Variants in PRKCB observed in about 807,000 individuals in gnomAD.
PRKCB encodes protein kinase C beta.
A neutral mutation model predicts 81.5 loss-of-function variants in PRKCB; 13 were observed. That is an observed-to-expected ratio of 0.16 (90% CI 0.10 to 0.25). The LOEUF (loss-of-function observed/expected upper bound fraction) is 0.25, where lower values mean the gene tolerates loss of function less well. PRKCB is among the 10% of genes least tolerant of loss of function. PRKCB has a pLI of 1.00. For missense variants in PRKCB, 509 were observed against 875.7 expected (o/e 0.58, Z 5.29); for synonymous variants, 335 against 321.4 (o/e 1.04, Z -0.45).
chr16:24,165,489 C>T (rs925688362), intron 10 of PRKCB, among the ~76,000 whole-genome samples: 5 of 152,182 alleles, frequency 3.3e-5, no homozygotes, highest in Non-Finnish European at 5.9e-5. Context: ...AATAAGCGCT[C>T]GATGAAAGTT....
chr16:24,056,589 C>T (rs1965905006), intron 5 of PRKCB, among the ~76,000 whole-genome samples: 1 of 152,154 alleles, frequency 6.6e-6, no homozygotes, highest in Non-Finnish European at 1.5e-5. Context: ...GCAGACACCT[C>T]ATGCCTGGCT....
intron 2 of PRKCB, among the ~76,000 whole-genome samples, chr16:23,875,438 A>G (rs1486984227): frequency 6.7e-6 from 1 of 150,192 alleles, no homozygotes; most frequent in Non-Finnish European, 1.5e-5. Context: ...GTGTCCAAGG[A>G]TTGAATTTCC....
intron 3 of PRKCB, among the ~76,000 whole-genome samples, chr16:23,996,012 G>A (rs2141827055): frequency 6.6e-6 from 1 of 152,236 alleles, no homozygotes; most frequent in Non-Finnish European, 1.5e-5. Context: ...CACTTTGCTT[G>A]GGAGGAGAAG....
intron 5 of PRKCB, among the ~76,000 whole-genome samples, chr16:24,081,801 G>C (rs1344837117): frequency 6.6e-6 from 1 of 152,072 alleles, no homozygotes; most frequent in Non-Finnish European, 1.5e-5. Context: ...AACCTGGGAG[G>C]CAGAGGTTGC....
intron 7 of PRKCB, among the ~76,000 whole-genome samples, chr16:24,101,308 A>C (rs1966504254): frequency 6.6e-6 from 1 of 152,162 alleles, no homozygotes. Flanking sequence ...GCACTTTGGG[A>C]GTGCCAAGGT....
At position 24,022,762 on chromosome 16, in the gene PRKCB, G is replaced by T. The variant is rs566918345; in HGVS notation, c.289-9374G>T. Among the ~76,000 whole-genome samples the T allele has an allele frequency of 5.9e-5, 9 of 152,318 alleles. No homozygotes were observed. The East Asian group carries it at 1.7e-3, about 29-fold the overall frequency. ...CCTGCCTCGGACTCCCAAAGTGCTG[G>T]GATTACAGGCGTGAGCCACTGTGCC... On this transcript the variant is annotated intron_variant, in intron 3 of 16. Coordinates refer to ENST00000643927, the MANE Select transcript of PRKCB (RefSeq NM_002738.7).
Position 24,215,053 on chromosome 16 carries a change from C to T in PRKCB, c.*237C>T. 7.8e-7 allele frequency: 1 copy of T among 1,276,156 alleles called. No homozygotes were observed. Among genetic ancestry groups the T allele is most frequent in the South Asian group, 2.2e-5 (1 of 45,940 alleles). The allele number at this position is 1,276,156 out of a possible 1,614,324, so 79.1% of individuals were successfully genotyped here. ...GCATAATTAACACATTATCAAAGTC[C>T]TCTTACAATTTATTTTCCGCAGCAT... On this transcript the variant is annotated 3_prime_UTR_variant, in exon 17 of 17. Transcript: ENST00000643927.
In PRKCB at chr16:24,129,900, T is replaced by A. The variant is rs111829567; in HGVS notation, c.1065+5919T>A. 7.1e-3 allele frequency among the ~76,000 whole-genome samples: 1,087 copies of A among 152,318 alleles called. 8 individuals are homozygous for A. The highest frequency in any genetic ancestry group is 0.024 in the African/African-American group (1,012 of 41,568). ...TCTTCAACATTTCATTATGAAAATT[T>A]AAAAAATGGAAAAGTTGAAATGATT... On this transcript the variant is annotated intron_variant, in intron 9 of 16. Coordinates refer to ENST00000643927, the MANE Select transcript of PRKCB (RefSeq NM_002738.7).
chr16:24,038,565 C>A (rs773681979), intron 5 of PRKCB, among the ~76,000 whole-genome samples: 12 of 152,258 alleles, frequency 7.9e-5, no homozygotes, highest in Non-Finnish European at 1.0e-4. Context: ...CAATGCCCTG[C>A]AATTGCCCAT....
chr16:23,838,675 G>T (rs1027853301), intron 2 of PRKCB, among the ~76,000 whole-genome samples: 1 of 152,230 alleles, frequency 6.6e-6, no homozygotes, highest in African/African-American at 2.4e-5. Context: ...CCAGGGAAAA[G>T]TAAAGTGATC....
chr16:24,035,297 G>C lies in PRKCB; in HGVS notation c.401-122G>C, dbSNP rs1257457274. 3.1e-6 allele frequency: 4 copies of C among 1,310,610 alleles called. No homozygotes were observed. The South Asian group carries it at 4.2e-5, about 14-fold the overall frequency. The allele number at this position is 1,310,610 out of a possible 1,614,324, so 81.2% of individuals were successfully genotyped here. ...AGGCAAGTTGGTCTCAGCCAGGCTC[G>C]TGTGTCTCAGCTGTCTCAAAGGAGG... On this transcript the variant is annotated intron_variant, in intron 4 of 16. Transcript: ENST00000643927.
intron 2 of PRKCB, among the ~76,000 whole-genome samples, chr16:23,911,826 A>ATTTTTTT (rs58458568): frequency 1.7e-5 from 1 of 57,426 alleles, no homozygotes; most frequent in Non-Finnish European, 3.5e-5. Flanking sequence ...CGCGACCCAC[A>ATTTTTTT]TTTTTTTTTT....
intron 8 of PRKCB, 73 bp from the exon 9 acceptor site, chr16:24,123,762 T>C (rs1966828337): frequency 6.6e-7 from 1 of 1,514,830 alleles, no homozygotes. Context: ...CAGCTTCCCA[T>C]TGTGTGCCTG....
chr16:24,200,234 C>T (rs1967938156), intron 16 of PRKCB, among the ~76,000 whole-genome samples: 1 of 152,156 alleles, frequency 6.6e-6, no homozygotes, highest in South Asian at 2.1e-4. Context: ...CTGCTCATTT[C>T]TGGTTGTTCT....
At chr16:24,181,771 CAAA>C (rs71154286) in intron 13 of PRKCB, among the ~76,000 whole-genome samples, 4 of 24,570 alleles carry the variant, frequency 1.6e-4, no homozygotes, top group Admixed American at 6.2e-4. Context: ...GACCCTGTCT[CAAA>C]AAAAAAAAAA....
chr16:23,966,863 G>A (rs1425864749), intron 2 of PRKCB, among the ~76,000 whole-genome samples: 1 of 152,198 alleles, frequency 6.6e-6, no homozygotes, highest in East Asian at 1.9e-4. Flanking sequence ...AGTTGATGTT[G>A]TAGTGGACTA....
rs1272599979 is a variant in PRKCB at position 24,172,251 on chromosome 16, G to A, written c.1240-19G>A. The A allele has an allele frequency of 6.2e-7, 1 of 1,602,124 alleles. No homozygotes were observed. Among genetic ancestry groups the A allele is most frequent in the African/African-American group, 1.3e-5 (1 of 74,802 alleles). On this transcript the variant is annotated intron_variant, in intron 10 of 16. Transcript: ENST00000643927. The stretch of plus-strand genomic sequence containing the variant: ...GAAGCTACGGGATGCTAATGTTGCT[G>A]TTTGCTGTCCTCTTCCAGGACCGCC...
chr16:24,130,719 A>G (rs1316540478), intron 9 of PRKCB, among the ~76,000 whole-genome samples: 1 of 152,116 alleles, frequency 6.6e-6, no homozygotes, highest in African/African-American at 2.4e-5. Flanking sequence ...TAATCCCTAG[A>G]GCTTTGTTTT....
At position 24,211,850 on chromosome 16, in the gene PRKCB, G is replaced by A. The variant is rs969185889; in HGVS notation, c.1864-2808G>A. Among the ~76,000 whole-genome samples, 4 of 152,190 alleles carry A rather than the reference G, an allele frequency of 2.6e-5. 1 individual carries two copies. Among genetic ancestry groups the A allele is most frequent in the Non-Finnish European group, 1.5e-5 (1 of 68,006 alleles). ...TCAGGGATTACAGGCATGAGCCACCGCGCCCGGCCCCAGACTCACTTTTAC... is the reference window on the plus strand; with the variant it reads ...TCAGGGATTACAGGCATGAGCCACCACGCCCGGCCCCAGACTCACTTTTAC... On this transcript the variant is annotated intron_variant, in intron 16 of 16. Transcript: ENST00000643927.
Sources: allele counts gnomAD v4.1 joint callset (sites outside exome capture counted in the v4.1 genomes callset), GRCh38; gene constraint gnomAD v4.1.1; transcripts MANE v1.5; gene names NCBI Gene and HGNC (gene_info 2026-07-23, HGNC 2026-07-21).